HGF: variants seen among roughly 807,000 people sequenced by gnomAD.
HGF encodes the protein fibroblast-derived tumor cytotoxic factor.
In HGF, 39 loss-of-function variants were observed where a neutral mutation model predicts 111.6. That is an observed-to-expected ratio of 0.35 (90% confidence interval 0.27 to 0.46). HGF has a LOEUF of 0.46. HGF is among the 20% of genes least tolerant of loss of function. The probability of loss-of-function intolerance (pLI) is 1.00; values close to 1 mark genes in which losing one functional copy is unlikely to be tolerated. For synonymous variants in HGF, 285 were observed against 294.8 expected, an observed-to-expected ratio of 0.97 and a Z score of 0.34; for missense variants, 735 against 910.5, an observed-to-expected ratio of 0.81 and a Z score of 2.48.
At chr7:81,722,431 C>T (rs865895173) in intron 9 of HGF, among the ~76,000 whole-genome samples, 3 of 151,770 alleles carry the variant, frequency 2.0e-5, no homozygotes, top group African/African-American at 4.8e-5. Context: ...TTCCAAAGTG[C>T]TGGGATTACA....
chr7:81,740,065 C>T (rs1022559437), intron 7 of HGF, among the ~76,000 whole-genome samples: 2 of 152,156 alleles, frequency 1.3e-5, no homozygotes, highest in African/African-American at 4.8e-5. Context: ...TAATTGCAAC[C>T]ATTTGCTAAG....
chr7:81,734,884 G>A (rs1335882278), intron 7 of HGF, among the ~76,000 whole-genome samples: 1 of 152,186 alleles, frequency 6.6e-6, no homozygotes, highest in African/African-American at 2.4e-5. Context: ...ATGGAGACAA[G>A]CTATTGCTTC....
At chr7:81,741,021 A>T (rs1044167160) in intron 7 of HGF, among the ~76,000 whole-genome samples, 1 of 152,226 alleles carries the variant, frequency 6.6e-6, no homozygotes, top group African/African-American at 2.4e-5. Flanking sequence ...TTGGTTTTGC[A>T]TTATAGGCTT....
intron 7 of HGF, among the ~76,000 whole-genome samples, chr7:81,733,081 T>C (rs1781676159): frequency 6.6e-6 from 1 of 152,102 alleles, no homozygotes; most frequent in Non-Finnish European, 1.5e-5. Context: ...AATAGGTTTT[T>C]TTCTAAACTT....
rs1562919139 is a variant in HGF, at chr7:81,770,011, T to TCTC, written c.-41_-40insGAG. 2 of 1,446,014 alleles carry TCTC rather than the reference T, an allele frequency of 1.4e-6. No homozygotes were observed. Among genetic ancestry groups the TCTC allele is most frequent in the Admixed American group, 3.9e-5 (2 of 50,862 alleles). The allele number at this position is 1,446,014 out of a possible 1,614,324, so 89.6% of individuals were successfully genotyped here. ...GGCTGGCGGATCCCTCTGGAGGAGATGCCTGGGTGAAAGAATCCTGTTCGG... is the reference window on the plus strand; with the variant it reads ...GGCTGGCGGATCCCTCTGGAGGAGATCTCGCCTGGGTGAAAGAATCCTGTTCGG... On this transcript the variant is annotated 5_prime_UTR_variant, in exon 1 of 18. Transcript: ENST00000222390.
chr7:81,720,604 G>A lies in HGF; in HGVS notation c.1271+141C>T, dbSNP rs967013857. 6 of 649,102 alleles carry A rather than the reference G, an allele frequency of 9.2e-6. No individual in the cohort carries two copies. The Admixed American group carries it at 1.5e-4, about 16-fold the overall frequency. 40.2% of individuals were successfully genotyped at this position (649,102 alleles called of 1,614,324 possible). A position where few individuals can be genotyped will look rare whatever the true frequency, so the allele number is the denominator to read the frequency against. ...TAAAGAAACAATGTTATGATGAGTT[G>A]TAAAGAAAAACCAATCTAATGCTTT... On this transcript the variant is annotated intron_variant, in intron 10 of 17. Transcript: ENST00000222390.
chr7:81,702,853 CAGAA>C, intron 17 of HGF, 96 bp from the exon 18 acceptor site: 1 of 1,012,462 alleles, frequency 9.9e-7, no homozygotes, highest in Non-Finnish European at 1.5e-6. Context: ...GAGATATATA[CAGAA>C]AAAGAGAATA....
intron 17 of HGF, among the ~76,000 whole-genome samples, chr7:81,703,718 G>A (rs1467511162): frequency 1.3e-5 from 2 of 151,584 alleles, no homozygotes; most frequent in Non-Finnish European, 3.0e-5. Flanking sequence ...ATATGCAGAA[G>A]AGTGTTTGGA....
chr7:81,768,624 C>T (rs554756597), intron 1 of HGF, among the ~76,000 whole-genome samples: 1 of 152,228 alleles, frequency 6.6e-6, no homozygotes, highest in South Asian at 2.1e-4. Flanking sequence ...CGTGATCTGC[C>T]CGCCTCGGCC....
At position 81,725,882 on chromosome 7, in the gene HGF, G is replaced by C; in HGVS notation, c.1168+8C>G. 1 of 1,614,044 alleles carries C rather than the reference G, an allele frequency of 6.2e-7. No homozygotes were observed. The highest frequency in any genetic ancestry group is 1.3e-5 in the African/African-American group (1 of 75,040). ...ATCATGCCCACCCTGCAGAATGTCA[G>C]CTATTACCTTGTCCATGTGACATAT... On this transcript the variant is annotated splice_region_variant and intron_variant, in intron 9 of 17. Transcript: ENST00000222390.
At chr7:81,735,671 T>A (rs1196208804) in intron 7 of HGF, among the ~76,000 whole-genome samples, 1 of 152,082 alleles carries the variant, frequency 6.6e-6, no homozygotes, top group Non-Finnish European at 1.5e-5. Context: ...TTTTGTATAT[T>A]TGTTTCCAAT....
intron 7 of HGF, among the ~76,000 whole-genome samples, chr7:81,740,311 C>T (rs986011670): frequency 4.6e-5 from 7 of 152,092 alleles, no homozygotes; most frequent in Non-Finnish European, 7.4e-5. Context: ...AACCAGAAAA[C>T]TGGCCCAGTT....
intron 7 of HGF, among the ~76,000 whole-genome samples, chr7:81,741,987 A>C (rs1414405772): frequency 1.3e-5 from 2 of 151,416 alleles, no homozygotes; most frequent in Non-Finnish European, 2.9e-5. Context: ...ACATACATAC[A>C]CACACAAAAA....
At chr7:81,704,388 T>C (rs1453874197) in intron 17 of HGF, among the ~76,000 whole-genome samples, 1 of 151,718 alleles carries the variant, frequency 6.6e-6, no homozygotes, top group African/African-American at 2.4e-5. Flanking sequence ...TTTTTCTTTT[T>C]AAAGTATAGT....
chr7:81,703,717 A>G (rs1789348412), intron 17 of HGF, among the ~76,000 whole-genome samples: 1 of 151,618 alleles, frequency 6.6e-6, no homozygotes, highest in South Asian at 2.1e-4. Context: ...TATATGCAGA[A>G]GAGTGTTTGG....
intron 5 of HGF, among the ~76,000 whole-genome samples, chr7:81,747,634 C>T (rs1788324688): frequency 6.6e-6 from 1 of 152,158 alleles, no homozygotes; most frequent in Non-Finnish European, 1.5e-5. Flanking sequence ...AATTGAGATA[C>T]TTAAATATAT....
intron 1 of HGF, among the ~76,000 whole-genome samples, chr7:81,767,469 C>A (rs1223891695): frequency 6.6e-6 from 1 of 152,140 alleles, no homozygotes; most frequent in Non-Finnish European, 1.5e-5. Flanking sequence ...TGGTTCATAT[C>A]AGTTGCTCAA....
chr7:81,725,513 A>G (rs1050731098), intron 9 of HGF, among the ~76,000 whole-genome samples: 2 of 152,180 alleles, frequency 1.3e-5, no homozygotes, highest in African/African-American at 4.8e-5. Flanking sequence ...AAAGAGCAGC[A>G]CCCCTCTTTT....
At position 81,711,339 on chromosome 7, in the gene HGF, A is replaced by G. The variant is rs1789564778; in HGVS notation, c.1444+142T>C. 3 of 457,988 alleles carry G rather than the reference A, an allele frequency of 6.6e-6. 1 individual carries two copies. The highest frequency in any genetic ancestry group is 1.0e-4 in the South Asian group (2 of 19,744). The allele number at this position is 457,988 out of a possible 1,614,324, so 28.4% of individuals were successfully genotyped here. A position where few individuals can be genotyped will look rare whatever the true frequency, so the allele number is the denominator to read the frequency against. ...TTTACACCTATGCATAGAAAAATAT[A>G]TTTTAAAAAGTAAAAATAAATAGAT... On this transcript the variant is annotated intron_variant, in intron 12 of 17. Transcript: ENST00000222390.
Sources: gnomAD v4.1 joint callset for allele counts (sites outside exome capture counted in the v4.1 genomes callset) on GRCh38, gnomAD v4.1.1 for gene constraint, MANE v1.5 for transcripts, NCBI Gene and HGNC (gene_info 2026-07-23, HGNC 2026-07-21) for gene names.